ATP11C: variants seen among roughly 807,000 people sequenced by gnomAD.
ATP11C encodes ATPase phospholipid transporting 11C (ATP11C blood group).
Under a neutral mutation model 97.4 loss-of-function variants are expected in ATP11C, and 36 were observed. The observed-to-expected ratio is 0.37, with a 90% confidence interval of 0.28 to 0.49. The LOEUF is 0.49. ATP11C is among the 20% of genes least tolerant of loss of function. The pLI is 0.98. For synonymous variants in ATP11C, 275 were observed against 290.9 expected, an observed-to-expected ratio of 0.95 and a Z score of 0.56; for missense variants, 730 against 824.6, an observed-to-expected ratio of 0.89 and a Z score of 1.40.
Position 139,775,015 on chromosome X carries a change from G to T in ATP11C, c.1953-62C>A. 3 of 1,072,085 alleles carry T rather than the reference G, an allele frequency of 2.8e-6. No individual in the cohort carries two copies. In the South Asian group the frequency reaches 7.3e-5, roughly 26 times the overall value. 88.4% of individuals were successfully genotyped at this position (1,072,085 alleles called of 1,213,427 possible). A position where few individuals can be genotyped will look rare whatever the true frequency, so the allele number is the denominator to read the frequency against. ...CTCCTGACAAAGATTCTACAGGAAG[G>T]CTTATTAAAGAGAATATTTTTATAA... On this transcript the variant is annotated intron_variant, in intron 18 of 29. Coordinates refer to ENST00000682941, the MANE Select transcript of ATP11C (RefSeq NM_001353812.2).
At chrX:139,797,439 C>T in intron 10 of ATP11C, 113 bp from the exon 11 acceptor site, 1 of 518,093 alleles carries the variant, frequency 1.9e-6, no homozygotes, top group South Asian at 5.0e-5. Flanking sequence ...ACAGCACAAG[C>T]CTTTGTGTAT....
chrX:139,816,494 T>G (rs752438178), intron 4 of ATP11C, among the ~76,000 whole-genome samples: 14 of 112,036 alleles, frequency 1.2e-4, no homozygotes, highest in Non-Finnish European at 2.6e-4. Flanking sequence ...TATTCTTCCC[T>G]TGAGTTCTCG....
chrX:139,835,805 G>T (rs2083738416), intron 1 of ATP11C, among the ~76,000 whole-genome samples: 1 of 104,335 alleles, frequency 9.6e-6, no homozygotes, highest in Non-Finnish European at 2.0e-5. Context: ...GAGGTGGGTG[G>T]ATCACTTGGT....
intron 1 of ATP11C, among the ~76,000 whole-genome samples, chrX:139,903,582 C>A (rs747689925): frequency 1.9e-5 from 2 of 108,001 alleles, no homozygotes; most frequent in South Asian, 8.4e-4. Flanking sequence ...CTGTAGTACC[C>A]TTTATAATAA....
At chrX:139,899,912 G>C (rs1030330525) in intron 1 of ATP11C, among the ~76,000 whole-genome samples, 3 of 111,200 alleles carry the variant, frequency 2.7e-5, no homozygotes, top group African/African-American at 9.8e-5. Flanking sequence ...AAGTAGTTTT[G>C]TCAAAATAGT....
intron 12 of ATP11C, among the ~76,000 whole-genome samples, chrX:139,794,779 T>A (rs1004693204): frequency 8.9e-6 from 1 of 112,025 alleles, no homozygotes; most frequent in African/African-American, 3.2e-5. Flanking sequence ...CCGGGCATCT[T>A]ATCTGTTTTT....
At chrX:139,738,547 T>C (rs1036523729) in intron 27 of ATP11C, among the ~76,000 whole-genome samples, 8 of 112,019 alleles carry the variant, frequency 7.1e-5, no homozygotes, top group African/African-American at 2.6e-4. Context: ...TAGAAGCTTA[T>C]CATCTCTCTC....
chrX:139,886,584 C>CAAAAA (rs144833892), intron 1 of ATP11C, among the ~76,000 whole-genome samples: 1 of 34,860 alleles, frequency 2.9e-5, no homozygotes, highest in African/African-American at 7.7e-5. Context: ...GACTCCATCT[C>CAAAAA]AAAAAAAAAA....
At chrX:139,737,060 C>T (rs1463033147) in intron 28 of ATP11C, among the ~76,000 whole-genome samples, 1 of 109,501 alleles carries the variant, frequency 9.1e-6, no homozygotes, top group Non-Finnish European at 1.9e-5. Context: ...TAGAATATTA[C>T]CTGAAAATAC....
intron 1 of ATP11C, among the ~76,000 whole-genome samples, chrX:139,897,078 T>C (rs2084821436): frequency 9.2e-6 from 1 of 108,816 alleles, no homozygotes; most frequent in African/African-American, 3.3e-5. Context: ...AATACAAAAA[T>C]TAGCTGGGCA....
At chrX:139,877,537 A>G (rs909277380) in intron 1 of ATP11C, among the ~76,000 whole-genome samples, 2 of 111,449 alleles carry the variant, frequency 1.8e-5, no homozygotes, top group African/African-American at 6.5e-5. Flanking sequence ...TAGTATCAGT[A>G]GAGCTGGACA....
intron 28 of ATP11C, 34 bp from the exon 29 acceptor site, chrX:139,731,789 T>A (rs1180271050): frequency 2.4e-5 from 24 of 998,473 alleles, no homozygotes; most frequent in Non-Finnish European, 3.2e-5. Flanking sequence ...TTAAAGCATT[T>A]GAAAATTGGT....
At chrX:139,757,277 T>C (rs2081956110) in intron 23 of ATP11C, among the ~76,000 whole-genome samples, 1 of 111,687 alleles carries the variant, frequency 9.0e-6, no homozygotes, top group Non-Finnish European at 1.9e-5. Flanking sequence ...CATTTCAGTT[T>C]TTAAAACAAA....
chrX:139,800,026 A>T, intron 8 of ATP11C, 34 bp downstream of exon 8: 1 of 384,389 alleles, frequency 2.6e-6, no homozygotes, highest in East Asian at 7.2e-5. Flanking sequence ...CCCCCCCCCA[A>T]CCAAAGGACA....
chrX:139,769,305 T>TATAC (rs2082205706), intron 19 of ATP11C, among the ~76,000 whole-genome samples: 1 of 73,550 alleles, frequency 1.4e-5, no homozygotes, highest in Non-Finnish European at 2.5e-5. Flanking sequence ...TATATATATA[T>TATAC]ATATATATAT....
intron 24 of ATP11C, among the ~76,000 whole-genome samples, chrX:139,749,475 G>A (rs1468569726): frequency 8.9e-6 from 1 of 111,866 alleles, no homozygotes; most frequent in Non-Finnish European, 1.9e-5. Context: ...TGGGGCTAGT[G>A]CCAAGTCCCC....
chrX:139,772,310 G>T (rs2148695851), intron 19 of ATP11C, among the ~76,000 whole-genome samples: 1 of 112,446 alleles, frequency 8.9e-6, no homozygotes, highest in African/African-American at 3.2e-5. Context: ...GGATGTCCAG[G>T]CAAAAGTTTG....
intron 1 of ATP11C, among the ~76,000 whole-genome samples, chrX:139,909,650 T>C (rs2085039351): frequency 8.9e-6 from 1 of 111,799 alleles, no homozygotes; most frequent in African/African-American, 3.3e-5. Context: ...TGTGGCATTA[T>C]AGTGCAATTT....
At chrX:139,755,455 TAC>T (rs912340660) in intron 23 of ATP11C, among the ~76,000 whole-genome samples, 3 of 111,797 alleles carry the variant, frequency 2.7e-5, no homozygotes, top group Admixed American at 9.5e-5. Context: ...AACTACTAAT[TAC>T]ATTCTTCACA....
Sources: gnomAD v4.1 joint callset for allele counts (sites outside exome capture counted in the v4.1 genomes callset) on GRCh38, gnomAD v4.1.1 for gene constraint, MANE v1.5 for transcripts, NCBI Gene and HGNC (gene_info 2026-07-23, HGNC 2026-07-21) for gene names.